The following TMPRSS5 variants were observed in gnomAD, a reference collection of about 807,000 sequenced individuals.
TMPRSS5 encodes the protein transmembrane serine protease 5.
TMPRSS5 carries 45 observed loss-of-function variants against 59.7 expected under a neutral mutation model. That is an observed-to-expected ratio of 0.75 (90% confidence interval 0.59 to 0.97). TMPRSS5 has a LOEUF of 0.97. Ranked by LOEUF, TMPRSS5 falls within the 50% of genes least tolerant of loss-of-function variation. The pLI, the probability that TMPRSS5 is intolerant of heterozygous loss-of-function variation, is 0.00. For synonymous variants in TMPRSS5, 225 were observed against 232.0 expected, an observed-to-expected ratio of 0.97 and a Z score of 0.27; for missense variants, 585 against 596.7, an observed-to-expected ratio of 0.98 and a Z score of 0.20.
At chr11:113,699,536 C>T (rs1243959548) in intron 3 of TMPRSS5, 59 bp downstream of exon 3, 1 of 1,410,176 alleles carries the variant, frequency 7.1e-7, no homozygotes, top group Non-Finnish European at 9.8e-7. Flanking sequence ...AACACCTGCT[C>T]AGCACCTGCT....
intron 1 of TMPRSS5, among the ~76,000 whole-genome samples, chr11:113,704,522 C>T (rs1217127093): frequency 6.6e-6 from 1 of 152,152 alleles, no homozygotes; most frequent in Non-Finnish European, 1.5e-5. Flanking sequence ...CTCGCCTGGC[C>T]TCACCTCTCC....
rs376308566 is a variant in TMPRSS5, at chr11:113,692,170, G to T, written c.964+901C>A. On this transcript the variant is annotated intron_variant, in intron 9 of 12. Coordinates refer to ENST00000299882, the MANE Select transcript of TMPRSS5 (RefSeq NM_030770.4). Reference sequence around the variant, plus strand: ...CCCAAAGTGCTGGGATTACAGGCGTGAGCCGCCATGCCCAGCCTTAGAAAT... The same window carrying T: ...CCCAAAGTGCTGGGATTACAGGCGTTAGCCGCCATGCCCAGCCTTAGAAAT... 2.6e-5 allele frequency among the ~76,000 whole-genome samples: 4 copies of T among 152,198 alleles called. No homozygotes were observed. In the East Asian group the frequency reaches 7.7e-4, roughly 29 times the overall value.
chr11:113,695,988 C>T (rs1382943067), intron 6 of TMPRSS5, among the ~76,000 whole-genome samples: 2 of 152,144 alleles, frequency 1.3e-5, no homozygotes, highest in African/African-American at 2.4e-5. Context: ...TCTTTACTCA[C>T]CTCTTGCCCC....
intron 1 of TMPRSS5, among the ~76,000 whole-genome samples, chr11:113,701,450 G>T (rs184744877): frequency 9.4e-5 from 14 of 148,866 alleles, no homozygotes; most frequent in African/African-American, 3.4e-4. Flanking sequence ...TTTTGCCCCT[G>T]CCCTAGAGAT....
At chr11:113,699,242 TC>T (rs1953030729) in intron 3 of TMPRSS5, among the ~76,000 whole-genome samples, 1 of 78,532 alleles carries the variant, frequency 1.3e-5, no homozygotes, top group Non-Finnish European at 2.3e-5. Context: ...TCTCTCTCTC[TC>T]TCTCTCTCTC....
At chr11:113,688,867 G>A (rs993539563) in intron 12 of TMPRSS5, among the ~76,000 whole-genome samples, 1 of 151,968 alleles carries the variant, frequency 6.6e-6, no homozygotes, top group Non-Finnish European at 1.5e-5. Context: ...GACCAGTAAT[G>A]TGTTTTTATA....
At chr11:113,701,761 A>C (rs7930871) in intron 1 of TMPRSS5, among the ~76,000 whole-genome samples, 33,470 of 150,012 alleles carry the variant, frequency 0.22, 3,910 homozygotes, top group East Asian at 0.42. Context: ...AAATGAAACC[A>C]TGTGACATAT....
Position 113,706,180 on chromosome 11 carries a change from G to C in TMPRSS5, c.3+42C>G, listed in dbSNP as rs116255963. On this transcript the variant is annotated intron_variant, in intron 1 of 12. Coordinates refer to ENST00000299882, the MANE Select transcript of TMPRSS5 (RefSeq NM_030770.4). Reference sequence around the variant, plus strand: ...CAGAGGAGGGAGAGAGAAAGAAAGAGAGAGAGGCCACAGCAGGGATGGCAC... The same window carrying C: ...CAGAGGAGGGAGAGAGAAAGAAAGACAGAGAGGCCACAGCAGGGATGGCAC... The C allele has an allele frequency of 2.0e-3, 3,147 of 1,586,918 alleles. 64 individuals are homozygous for C. The African/African-American group carries it at 0.039, about 20-fold the overall frequency.
intron 3 of TMPRSS5, 62 bp downstream of exon 3, chr11:113,699,533 G>A (rs1015197374): frequency 1.4e-6 from 2 of 1,390,846 alleles, no homozygotes; most frequent in Non-Finnish European, 2.0e-6. Context: ...TTTAACACCT[G>A]CTCAGCACCT....
chr11:113,697,077 G>A (rs2134806926), intron 5 of TMPRSS5, 106 bp from the exon 6 acceptor site: 3 of 1,161,278 alleles, frequency 2.6e-6, no homozygotes, highest in Non-Finnish European at 3.8e-6. Flanking sequence ...TTACTGCTGG[G>A]GTTTATGCTT....
chr11:113,695,412 G>A lies in TMPRSS5; in HGVS notation c.610C>T (p.Leu204Phe). The change falls in exon 7 of 13, where the codon CTC becomes TTC. Residue 204 changes from leucine (L) to phenylalanine (F), a missense_variant. By Grantham distance (22) the Leu-to-Phe change is conservative. Transcript: ENST00000299882. Reference sequence around the variant, plus strand: ...AGATATGACTCACCAGAGCATCTGAGGGAAACAACTTGACCAGAAGTGCAG... The same window carrying A: ...AGATATGACTCACCAGAGCATCTGAAGGAAACAACTTGACCAGAAGTGCAG... ...NNCTSGQVVS[L>F]RCSECGARPL... The A allele has an allele frequency of 6.2e-7, 1 of 1,613,964 alleles. No homozygotes were observed. Among genetic ancestry groups the A allele is most frequent in the Non-Finnish European group, 8.5e-7 (1 of 1,179,876 alleles).
intron 1 of TMPRSS5, among the ~76,000 whole-genome samples, chr11:113,705,025 T>G (rs568321249): frequency 6.6e-6 from 1 of 152,186 alleles, no homozygotes; most frequent in Non-Finnish European, 1.5e-5. Context: ...CCCCCAAAAT[T>G]TATAATCCAG....
chr11:113,704,132 C>T (rs140957171), intron 1 of TMPRSS5, among the ~76,000 whole-genome samples: 1 of 152,128 alleles, frequency 6.6e-6, no homozygotes, highest in Admixed American at 6.5e-5. Context: ...GATAAGAAAG[C>T]ATAGAGCAGA....
At chr11:113,699,093 C>A (rs1458580272) in intron 3 of TMPRSS5, 66 bp from the exon 4 acceptor site, 38 of 1,551,262 alleles carry the variant, frequency 2.4e-5, no homozygotes, top group Non-Finnish European at 3.1e-5. Flanking sequence ...CTGACCTCCT[C>A]ATCAGCCACC....
Position 113,690,196 on chromosome 11 carries a change from A to G in TMPRSS5, c.1206+35T>C, listed in dbSNP as rs754202991. 1,022 of 255,578 alleles carry G rather than the reference A, an allele frequency of 4.0e-3. 1 individual carries two copies. Among genetic ancestry groups the G allele is most frequent in the Non-Finnish European group, 5.4e-3 (909 of 168,010 alleles). 15.8% of individuals were successfully genotyped at this position (255,578 alleles called of 1,614,324 possible). A position where few individuals can be genotyped will look rare whatever the true frequency, so the allele number is the denominator to read the frequency against. The stretch of plus-strand genomic sequence containing the variant: ...CCCCTGCCCTCCCACCCCCACCTCC[A>G]CTCCCACCCTCACCCCAGCCACCAC... On this transcript the variant is annotated intron_variant, in intron 11 of 12. Coordinates refer to ENST00000299882, the MANE Select transcript of TMPRSS5 (RefSeq NM_030770.4).
In TMPRSS5 at chr11:113,696,250, G is replaced by A. The variant is rs1952925226; in HGVS notation, c.578+608C>T. ...GGTGCCCACCTTTCTATCCCAGGAG[G>A]CTGATAGGCAGATTGAGGAAGCCTA... is the stretch of plus-strand genomic sequence containing the variant. On this transcript the variant is annotated intron_variant, in intron 6 of 12. Coordinates refer to ENST00000299882, the MANE Select transcript of TMPRSS5 (RefSeq NM_030770.4). 3.9e-5 allele frequency among the ~76,000 whole-genome samples: 6 copies of A among 152,300 alleles called. No individual in the cohort carries two copies. The South Asian group carries it at 1.2e-3, about 32-fold the overall frequency.
chr11:113,692,666 C>T (rs946545253), intron 9 of TMPRSS5, among the ~76,000 whole-genome samples: 1 of 152,218 alleles, frequency 6.6e-6, no homozygotes, highest in Non-Finnish European at 1.5e-5. Flanking sequence ...TTTCAACTAT[C>T]TATCAGGGTT....
chr11:113,699,145 C>T, intron 3 of TMPRSS5, 118 bp from the exon 4 acceptor site: 1 of 1,006,620 alleles, frequency 9.9e-7, no homozygotes, highest in Admixed American at 2.4e-5. Context: ...TGAGGAGGGG[C>T]ATAGCGCTCC....
chr11:113,694,622 A>T lies in TMPRSS5; in HGVS notation c.641T>A (p.Leu214Gln). The change falls in exon 8 of 13, where the codon CTG becomes CAG. Residue 214 changes from leucine (L) to glutamine (Q), a missense_variant. Transcript: ENST00000299882. ...LRCSECGARP[L>Q]ASRIVGGQSV... ...CTGCCCACCAACTATCCGGGAAGCC[A>T]GGGGCCTCGCTCCACACTCTGCCAA... 4 of 1,548,932 alleles carry T rather than the reference A, an allele frequency of 2.6e-6. No homozygotes were observed. The highest frequency in any genetic ancestry group is 3.5e-6 in the Non-Finnish European group (4 of 1,146,458).
Sources: allele counts gnomAD v4.1 joint callset (sites outside exome capture counted in the v4.1 genomes callset), GRCh38; gene constraint gnomAD v4.1.1; transcripts MANE v1.5; gene names NCBI Gene and HGNC (gene_info 2026-07-23, HGNC 2026-07-21).